UBXN11: variants seen among roughly 807,000 people sequenced by gnomAD.
UBXN11 encodes UBX domain protein 11.
UBXN11 carries 47 observed loss-of-function variants against 62.8 expected under a neutral mutation model. That is an observed-to-expected ratio of 0.75 (90% CI 0.59 to 0.95). The LOEUF (loss-of-function observed/expected upper bound fraction) is 0.95, where lower values mean the gene tolerates loss of function less well. UBXN11 is among the 40% of genes least tolerant of loss of function. The pLI is 0.00. For missense variants in UBXN11, 638 were observed against 661.7 expected (o/e 0.96, Z 0.39); for synonymous variants, 294 against 267.0 (o/e 1.10, Z -0.99).
chr1:26,305,065 A>T (rs1436953650), intron 1 of UBXN11, among the ~76,000 whole-genome samples: 1 of 152,136 alleles, frequency 6.6e-6, no homozygotes, highest in African/African-American at 2.4e-5. Context: ...GTACAGAAAG[A>T]TCCTTTGTAT....
intron 1 of UBXN11, among the ~76,000 whole-genome samples, chr1:26,316,125 A>ATTTTTTTTTTTTTTTTTTTTTTTT (rs57889417): frequency 1.1e-5 from 1 of 91,464 alleles, no homozygotes; most frequent in Non-Finnish European, 2.1e-5. Context: ...TGCCCGGCTA[A>ATTTTTTTTTTTTTTTTTTTTTTTT]TTTTTTTTTT....
chr1:26,305,059 A>G (rs1167526919), intron 1 of UBXN11, among the ~76,000 whole-genome samples: 1 of 152,190 alleles, frequency 6.6e-6, no homozygotes, highest in African/African-American at 2.4e-5. Context: ...AAAATAGTAC[A>G]GAAAGATCCT....
Position 26,294,346 on chromosome 1 carries a change from G to C in UBXN11, c.433-15C>G. On this transcript the variant is annotated splice_polypyrimidine_tract_variant and intron_variant, in intron 7 of 14. Coordinates refer to ENST00000374222, the MANE Select transcript of UBXN11 (RefSeq NM_001389556.1). ...CTGAGGAACCGCTGTGGGAAAGAAG[G>C]GGGAGATGCGGGGCACCGTCAGCTC... 6.7e-7 allele frequency: 1 copy of C among 1,494,354 alleles called. No homozygotes were observed. Among genetic ancestry groups the C allele is most frequent in the Non-Finnish European group, 8.9e-7 (1 of 1,120,426 alleles). 92.6% of individuals were successfully genotyped at this position (1,494,354 alleles called of 1,614,324 possible).
Position 26,317,068 on chromosome 1 carries a change from A to G in UBXN11, c.-149+979T>C, listed in dbSNP as rs1404773504. On this transcript the variant is annotated intron_variant, in intron 1 of 14. Transcript: ENST00000374217. ...ACATGGTGAAACCCAGTCTCCGCTA[A>G]AAAAAAAAAAAAAATACAAAAAATT... 1.6e-3 allele frequency among the ~76,000 whole-genome samples: 7 copies of G among 4,436 alleles called. No homozygotes were observed. In the Non-Finnish European group the frequency reaches 0.019, roughly 12 times the overall value. The allele number at this position is 4,436 out of a possible 152,430, so 2.9% of individuals were successfully genotyped here. A position where few individuals can be genotyped will look rare whatever the true frequency, so the allele number is the denominator to read the frequency against.
intron 10 of UBXN11, chr1:26,284,813 C>A: frequency 9.2e-7 from 1 of 1,091,172 alleles, no homozygotes; most frequent in Non-Finnish European, 1.1e-6. Flanking sequence ...CAGTCTGCAG[C>A]ACAAACCGCA....
At position 26,302,968 on chromosome 1, in the gene UBXN11, G is replaced by A. The variant is rs887252112; in HGVS notation, c.-35-50C>T. The A allele has an allele frequency of 5.0e-6, 7 of 1,386,618 alleles. No homozygotes were observed. The African/African-American group carries it at 8.6e-5, about 17-fold the overall frequency. The allele number at this position is 1,386,618 out of a possible 1,614,324, so 85.9% of individuals were successfully genotyped here. On this transcript the variant is annotated intron_variant, in intron 1 of 14. Coordinates refer to ENST00000374222, the MANE Select transcript of UBXN11 (RefSeq NM_001389556.1). Reference sequence around the variant, plus strand: ...CCTGGGGACAGACTCAGGGCTCCAAGCCCAGGGGGTAGCCTGAAGTTTCCA... The same window carrying A: ...CCTGGGGACAGACTCAGGGCTCCAAACCCAGGGGGTAGCCTGAAGTTTCCA...
intron 8 of UBXN11, among the ~76,000 whole-genome samples, chr1:26,293,752 A>AAAAAAAG (rs1294606207): frequency 6.7e-6 from 1 of 148,628 alleles, no homozygotes; most frequent in Non-Finnish European, 1.5e-5. Flanking sequence ...AAAAAAAAAA[A>AAAAAAAG]GACATGGTAG....
chr1:26,282,364 CGGGACCGGGACCGGGACT>C lies in UBXN11; in HGVS notation c.1480_1497del (p.Ser494_Pro499del), dbSNP rs748398849. On this transcript the variant is annotated inframe_deletion, in exon 15 of 15. Coordinates refer to ENST00000374222, the MANE Select transcript of UBXN11 (RefSeq NM_001389556.1). ...CCGGGACCGGGACCGGGACTGGGGC[CGGGACCGGGACCGGGACT>C]GGGGCCGGGACCGGGACCGGGACAG... 4.1e-5 allele frequency: 19 copies of C among 458,836 alleles called. No homozygotes were observed. The highest frequency in any genetic ancestry group is 1.8e-4 in the South Asian group (6 of 33,342). 28.4% of individuals were successfully genotyped at this position (458,836 alleles called of 1,614,324 possible). A position where few individuals can be genotyped will look rare whatever the true frequency, so the allele number is the denominator to read the frequency against.
rs367968435 is a variant in UBXN11, at chr1:26,282,454, G to A, written c.1408C>T (p.Arg470Trp). ...GLVPKAALLLRARRAPKSSLK... is the reference protein window; with the variant it reads ...GLVPKAALLLWARRAPKSSLK... ...CTGGACTTCGGGGCTCGGCGTGCCC[G>A]CAGCAGCAGTGCTGCTTTGGGCACA... The change falls in exon 15 of 15, where the codon CGG becomes TGG. Residue 470 changes from arginine to tryptophan, a missense_variant. Transcript: ENST00000374222. 7 of 1,604,902 alleles carry A rather than the reference G, an allele frequency of 4.4e-6. No individual in the cohort carries two copies. The highest frequency in any genetic ancestry group is 2.2e-5 in the South Asian group (2 of 90,696).
intron 12 of UBXN11, among the ~76,000 whole-genome samples, 186 bp downstream of exon 12, chr1:26,283,956 T>C (rs1270953988): frequency 6.6e-6 from 1 of 152,200 alleles, no homozygotes; most frequent in Non-Finnish European, 1.5e-5. Context: ...CCCACCTGCT[T>C]TCCGGGGCCC....
At chr1:26,302,734 G>T (rs1325331945) in intron 2 of UBXN11, 79 bp downstream of exon 2, 2 of 1,475,774 alleles carry the variant, frequency 1.4e-6, no homozygotes, top group Non-Finnish European at 1.9e-6. Context: ...GACACTAGGA[G>T]TCACTGTCCT....
At chr1:26,294,722 C>T (rs2124653227) in intron 7 of UBXN11, among the ~76,000 whole-genome samples, 1 of 152,274 alleles carries the variant, frequency 6.6e-6, no homozygotes, top group East Asian at 1.9e-4. Flanking sequence ...CATGTGCCAG[C>T]CTCCCTAGGG....
rs777972763 is a variant in UBXN11, at chr1:26,301,742, G to A, written c.72-20C>T. The A allele has an allele frequency of 2.5e-6, 4 of 1,613,792 alleles. No homozygotes were observed. The highest frequency in any genetic ancestry group is 1.3e-5 in the African/African-American group (1 of 74,918). Reference sequence around the variant, plus strand: ...CGCCTCCTGGGAACCCAGGCAGGAAGAAGGAAGAAATATAAGTTAGGGCCC... The same window carrying A: ...CGCCTCCTGGGAACCCAGGCAGGAAAAAGGAAGAAATATAAGTTAGGGCCC... On this transcript the variant is annotated intron_variant, in intron 2 of 14. Transcript: ENST00000374222.
intron 2 of UBXN11, 76 bp from the exon 3 acceptor site, chr1:26,301,798 C>T: frequency 6.3e-7 from 1 of 1,576,486 alleles, no homozygotes; most frequent in Non-Finnish European, 8.7e-7. Context: ...AGGCTCTGGG[C>T]ACCGGACTTC....
intron 4 of UBXN11, among the ~76,000 whole-genome samples, chr1:26,299,870 CTG>C (rs1331799719): frequency 9.2e-5 from 14 of 152,048 alleles, no homozygotes. Flanking sequence ...TGGCTCATGC[CTG>C]TAATCCCAGC....
rs756784406 is a variant in UBXN11, at chr1:26,282,957, G to A, written c.1078-20C>T. 24 of 1,614,106 alleles carry A rather than the reference G, an allele frequency of 1.5e-5. No individual in the cohort carries two copies. The highest frequency in any genetic ancestry group is 2.0e-5 in the Non-Finnish European group (24 of 1,180,010). On this transcript the variant is annotated intron_variant, in intron 12 of 14. Transcript: ENST00000374222. ...GCAGTTCTGGAAGGTATCAGTGGAG[G>A]GTGGACAGAGCCCTAGGCCCCATTT...
At chr1:26,310,963 C>T (rs2073739051), upstream of UBXN11, among the ~76,000 whole-genome samples, 1 of 151,932 alleles carries the variant, frequency 6.6e-6, no homozygotes, top group Non-Finnish European at 1.5e-5. Flanking sequence ...GAGATGGGGT[C>T]GCCCAGCCTC....
intron 1 of UBXN11, among the ~76,000 whole-genome samples, chr1:26,304,801 T>C (rs529339723): frequency 2.0e-5 from 3 of 152,156 alleles, no homozygotes; most frequent in African/African-American, 4.8e-5. Context: ...TCCCTGCTTA[T>C]GTCTCCTGAC....
chr1:26,284,098 T>A (rs1406734958), intron 12 of UBXN11, 44 bp downstream of exon 12: 1 of 1,545,890 alleles, frequency 6.5e-7, no homozygotes, highest in South Asian at 1.2e-5. Context: ...GGGCTGGTGC[T>A]AAAGTTCCCC....
Sources: allele counts gnomAD v4.1 joint callset (sites outside exome capture counted in the v4.1 genomes callset), GRCh38; gene constraint gnomAD v4.1.1; transcripts MANE v1.5; gene names NCBI Gene and HGNC (gene_info 2026-07-23, HGNC 2026-07-21).